The following NAA15 variants were observed in gnomAD, a reference collection of about 807,000 sequenced individuals.
NAA15 encodes the protein N-alpha-acetyltransferase 15, NatA auxiliary subunit.
Under a neutral mutation model 114.0 loss-of-function variants are expected in NAA15, and 34 were observed. The observed-to-expected ratio is 0.30, with a 90% CI of 0.23 to 0.40. The LOEUF (loss-of-function observed/expected upper bound fraction) is 0.40, where lower values mean the gene tolerates loss of function less well. NAA15 is among the 10% of genes least tolerant of loss of function. The probability of loss-of-function intolerance (pLI) is 1.00; values close to 1 mark genes in which losing one functional copy is unlikely to be tolerated. For missense variants in NAA15, 658 were observed against 1,004.5 expected, an observed-to-expected ratio of 0.66 and a Z score of 4.66; for synonymous variants, 340 against 338.0, an observed-to-expected ratio of 1.01 and a Z score of -0.06.
chr4:139,320,855 T>A (rs1054515905), intron 1 of NAA15, among the ~76,000 whole-genome samples: 2 of 152,158 alleles, frequency 1.3e-5, no homozygotes, highest in Non-Finnish European at 2.9e-5. Context: ...ACTCATCATG[T>A]TGCCCAGGCT....
At chr4:139,303,253 GAA>G (rs1560946959) in intron 1 of NAA15, among the ~76,000 whole-genome samples, 1 of 151,970 alleles carries the variant, frequency 6.6e-6, no homozygotes, top group Non-Finnish European at 1.5e-5. Context: ...ATAGTTTTAG[GAA>G]AAAAGTTACT....
At chr4:139,350,493 A>G (rs907313513) in intron 7 of NAA15, among the ~76,000 whole-genome samples, 5 of 152,288 alleles carry the variant, frequency 3.3e-5, no homozygotes, top group East Asian at 3.9e-4. Flanking sequence ...ATCCTCTCCC[A>G]TAAGTGGGGT....
chr4:139,369,851 C>CTGGA (rs1349320849), intron 14 of NAA15, among the ~76,000 whole-genome samples: 13 of 151,708 alleles, frequency 8.6e-5, no homozygotes, highest in African/African-American at 2.7e-4. Flanking sequence ...GTTTCCTAGG[C>CTGGA]TGGAGTGTAG....
chr4:139,385,308 T>TATATTATATATATATATATATAATATA (rs1489273737), intron 18 of NAA15, among the ~76,000 whole-genome samples: 7 of 91,864 alleles, frequency 7.6e-5, no homozygotes, highest in African/African-American at 2.3e-4. Context: ...ATAATATATA[T>TATATTATATATATATATATATAATATA]TATATATATA....
chr4:139,367,632 T>C (rs1197167785), intron 14 of NAA15, among the ~76,000 whole-genome samples: 1 of 152,208 alleles, frequency 6.6e-6, no homozygotes, highest in Non-Finnish European at 1.5e-5. Context: ...AGAGAGCCTT[T>C]CTTCAGACTA....
chr4:139,342,821 T>A lies in NAA15; in HGVS notation c.403-5T>A, dbSNP rs1747456440. ...GAAAAAGTGTTTATTTTTTTCCTTT[T>A]AAAGGAAACGAGGTATCAGTTACTT... On this transcript the variant is annotated splice_region_variant and splice_polypyrimidine_tract_variant and intron_variant, in intron 4 of 19. Coordinates refer to ENST00000296543, the MANE Select transcript of NAA15 (RefSeq NM_057175.5). 2 of 1,603,084 alleles carry A rather than the reference T, an allele frequency of 1.2e-6. No homozygotes were observed. Among genetic ancestry groups the A allele is most frequent in the East Asian group, 4.5e-5 (2 of 44,762 alleles).
intron 1 of NAA15, among the ~76,000 whole-genome samples, chr4:139,322,184 C>T (rs1746639978): frequency 6.6e-6 from 1 of 152,090 alleles, no homozygotes; most frequent in African/African-American, 2.4e-5. Flanking sequence ...TGGGAGGGAC[C>T]TGGTAGGAGG....
chr4:139,369,261 C>T (rs1267522772), intron 14 of NAA15, among the ~76,000 whole-genome samples: 1 of 152,174 alleles, frequency 6.6e-6, no homozygotes, highest in East Asian at 1.9e-4. Context: ...ACTAAGCGAG[C>T]ATAGTCCTCT....
chr4:139,345,845 T>C (rs1747563357), intron 6 of NAA15, among the ~76,000 whole-genome samples: 1 of 151,760 alleles, frequency 6.6e-6, no homozygotes, highest in African/African-American at 2.4e-5. Flanking sequence ...GGCGTGAACC[T>C]GGGAGGCGGA....
chr4:139,361,560 T>C (rs1007914873), intron 13 of NAA15, among the ~76,000 whole-genome samples, 164 bp from the exon 14 acceptor site: 11 of 152,326 alleles, frequency 7.2e-5, no homozygotes, highest in Admixed American at 4.6e-4. Context: ...CTGTATTTGC[T>C]TATTTGAAAT....
rs528132389 is a variant in NAA15, at chr4:139,310,802, A to G, written c.54+8971A>G. The stretch of plus-strand genomic sequence containing the variant: ...CCTGGCTAATTTTTGTATTTTTAGT[A>G]CAGGCGGGGTTTCACCATGTTGGCC... On this transcript the variant is annotated intron_variant, in intron 1 of 19. Transcript: ENST00000296543. Among the ~76,000 whole-genome samples, 16 of 151,676 alleles carry G rather than the reference A, an allele frequency of 1.1e-4. No homozygotes were observed. In the East Asian group the frequency reaches 2.1e-3, roughly 20 times the overall value.
intron 14 of NAA15, among the ~76,000 whole-genome samples, chr4:139,367,586 T>G (rs545791326): frequency 6.6e-6 from 1 of 152,288 alleles, no homozygotes; most frequent in East Asian, 1.9e-4. Context: ...GTTTTATTGT[T>G]TGAGAGAATC....
intron 18 of NAA15, among the ~76,000 whole-genome samples, 184 bp from the exon 19 acceptor site, chr4:139,385,949 T>G (rs1204093812): frequency 6.6e-6 from 1 of 152,230 alleles, no homozygotes; most frequent in African/African-American, 2.4e-5. Context: ...CTTTGGATGG[T>G]TAAGCTAATC....
chr4:139,352,244 G>T (rs1479068401), intron 9 of NAA15, among the ~76,000 whole-genome samples: 1 of 151,938 alleles, frequency 6.6e-6, no homozygotes, highest in East Asian at 1.9e-4. Context: ...AACTAGCTGG[G>T]ATTACAGGCG....
chr4:139,386,178 C>T lies in NAA15; in HGVS notation c.2348C>T (p.Ala783Val). ...TTAGATCCTTCTAGTCAGAAGCGAG[C>T]TATAGAGTTGGCAACAACACTTGAT... Reference protein sequence around the residue: ...YYLDPSSQKRAIELATTLDES... With the variant: ...YYLDPSSQKRVIELATTLDES... The change falls in exon 19 of 20, where the codon GCT becomes GTT. Residue 783 changes from alanine (A) to valine (V), a missense_variant. By Grantham distance (64) the Ala-to-Val change is moderately conservative (BLOSUM62 0). Coordinates refer to ENST00000296543, the MANE Select transcript of NAA15 (RefSeq NM_057175.5). 6.2e-7 allele frequency: 1 copy of T among 1,611,082 alleles called. No homozygotes were observed. Among genetic ancestry groups the T allele is most frequent in the Non-Finnish European group, 8.5e-7 (1 of 1,178,474 alleles).
Position 139,386,199 on chromosome 4 carries a change from T to C in NAA15, c.2369T>C (p.Leu790Pro). 6 of 1,609,372 alleles carry C rather than the reference T, an allele frequency of 3.7e-6. No individual in the cohort carries two copies. Among genetic ancestry groups the C allele is most frequent in the Middle Eastern group, 1.7e-4 (1 of 6,054 alleles). ...CGAGCTATAGAGTTGGCAACAACACTTGATGAATCTCTCACTAACAGAAAC... is the reference window on the plus strand; with the variant it reads ...CGAGCTATAGAGTTGGCAACAACACCTGATGAATCTCTCACTAACAGAAAC... ...QKRAIELATTLDESLTNRNLQ... is the reference protein window; with the variant it reads ...QKRAIELATTPDESLTNRNLQ... Residue 790 changes from leucine to proline, a missense_variant, in exon 19 of 20, where the codon CTT becomes CCT. Leu to Pro is a moderately conservative substitution (Grantham distance 98). This residue lies in a region of NAA15 where 275 missense variants were observed against 371.1 expected (regional missense o/e 0.74). Transcript: ENST00000296543.
At chr4:139,375,174 G>A (rs181179876) in intron 15 of NAA15, among the ~76,000 whole-genome samples, 2 of 152,286 alleles carry the variant, frequency 1.3e-5, no homozygotes, top group Non-Finnish European at 2.9e-5. Context: ...TGGAGTCATG[G>A]GAGCAAGAAG....
At position 139,350,859 on chromosome 4, in the gene NAA15, AGAG is replaced by A. The variant is rs1309354889; in HGVS notation, c.812-328_812-326del. Among the ~76,000 whole-genome samples, 3 of 152,278 alleles carry A rather than the reference AGAG, an allele frequency of 2.0e-5. No homozygotes were observed. In the East Asian group the frequency reaches 5.8e-4, roughly 29 times the overall value. On this transcript the variant is annotated intron_variant, in intron 7 of 19. Transcript: ENST00000296543. ...GAGAGGCCATGGCCAAAATCAGAGGAGAGGAGTTAGAGGGGAGAAGCTAAGGAG... is the reference window on the plus strand; with the variant it reads ...GAGAGGCCATGGCCAAAATCAGAGGAGAGTTAGAGGGGAGAAGCTAAGGAG...
intron 6 of NAA15, among the ~76,000 whole-genome samples, chr4:139,346,699 A>T (rs1747594962): frequency 6.6e-6 from 1 of 152,044 alleles, no homozygotes; most frequent in Admixed American, 6.6e-5. Context: ...GGCATGTGCC[A>T]CCATGCCTGG....
Sources: gnomAD v4.1 joint callset for allele counts (sites outside exome capture counted in the v4.1 genomes callset) on GRCh38, gnomAD v4.1.1 for gene constraint, gnomAD v4.1.1 regional missense constraint, MANE v1.5 for transcripts, NCBI Gene and HGNC (gene_info 2026-07-23, HGNC 2026-07-21) for gene names.